Variants in SCYL1 observed in about 807,000 individuals in gnomAD.
SCYL1 encodes N-terminal kinase-like protein.
In SCYL1, 85 loss-of-function variants were observed where a neutral mutation model predicts 94.8. That is an observed-to-expected ratio of 0.90 (90% confidence interval 0.75 to 1.07). The LOEUF (loss-of-function observed/expected upper bound fraction) is 1.07, where lower values mean the gene tolerates loss of function less well. Ranked by LOEUF, SCYL1 falls within the 50% of genes least tolerant of loss-of-function variation. SCYL1 has a pLI of 0.00. For synonymous variants in SCYL1, 459 were observed against 435.5 expected, an observed-to-expected ratio of 1.05 and a Z score of -0.67; for missense variants, 968 against 1,083.3, an observed-to-expected ratio of 0.89 and a Z score of 1.49.
chr11:65,532,581 T>G (rs536298918), intron 8 of SCYL1, 111 bp from the exon 9 acceptor site: 1 of 847,568 alleles, frequency 1.2e-6, no homozygotes, highest in Non-Finnish European at 1.9e-6. Context: ...GAGGTTGACC[T>G]GGCTGGCCAG....
chr11:65,529,771 A>T (rs1855278272), intron 6 of SCYL1, among the ~76,000 whole-genome samples: 1 of 152,152 alleles, frequency 6.6e-6, no homozygotes, highest in African/African-American at 2.4e-5. Flanking sequence ...GGGGGGAGTG[A>T]CAGCATCTTT....
rs1855123264 is a variant in SCYL1 at position 65,527,058 on chromosome 11, C to G, written c.790C>G (p.Pro264Ala). 2 of 1,613,648 alleles carry G rather than the reference C, an allele frequency of 1.2e-6. No homozygotes were observed. Among genetic ancestry groups the G allele is most frequent in the Non-Finnish European group, 1.7e-6 (2 of 1,179,998 alleles). Residue 264 changes from proline to alanine, a missense_variant, in exon 6 of 18, where the codon CCT (proline) becomes GCT (alanine). Physicochemically the swap from Pro to Ala is conservative, Grantham distance 27. Around this residue, in one of 2 missense-constraint regions of SCYL1, gnomAD observed 494 missense variants for 619.7 expected, o/e 0.80. Transcript: ENST00000270176. Reference protein sequence around the residue: ...PARFLQNCRAPGGFMSNRFVE... With the variant: ...PARFLQNCRAAGGFMSNRFVE... ...CCGCTTCCTGCAGAACTGCCGGGCA[C>G]CTGGTGGCTTCATGAGCAACCGCTT...
rs1855014556 is a variant in SCYL1 at position 65,525,228 on chromosome 11, G to T, written c.75G>T (p.Leu25=). ...ELIPEPPEGG[L]PGPWALHRGR... ...TCCCGGAGCCCCCAGAGGGCGGCCT[G>T]CCCGGGCCCTGGGCCCTGCACCGCG... The change falls in exon 1 of 18, where the codon CTG becomes CTT. Residue 25 remains leucine, a synonymous_variant. Transcript: ENST00000270176. 1 of 1,454,802 alleles carries T rather than the reference G, an allele frequency of 6.9e-7. No individual in the cohort carries two copies. Among genetic ancestry groups the T allele is most frequent in the South Asian group, 1.3e-5 (1 of 74,332 alleles). The allele number at this position is 1,454,802 out of a possible 1,614,324, so 90.1% of individuals were successfully genotyped here.
At chr11:65,537,209 T>C in intron 14 of SCYL1, 81 bp downstream of exon 14, 2 of 1,488,128 alleles carry the variant, frequency 1.3e-6, no homozygotes, top group Non-Finnish European at 1.9e-6. Context: ...CTGTGGGGCC[T>C]GGCTGGAGTT....
Position 65,535,982 on chromosome 11 carries a change from C to T in SCYL1, c.1416C>T (p.Phe472=). 1 of 1,609,646 alleles carries T rather than the reference C, an allele frequency of 6.2e-7. No homozygotes were observed. Among genetic ancestry groups the T allele is most frequent in the Non-Finnish European group, 8.5e-7 (1 of 1,177,626 alleles). Reference sequence around the variant, plus strand: ...GACACAGGGTCCTTACCTCTGCCTTCAGCCGAGCCACTAGGGACCCGTTTG... The same window carrying T: ...GACACAGGGTCCTTACCTCTGCCTTTAGCCGAGCCACTAGGGACCCGTTTG... ...STRHRVLTSA[F]SRATRDPFAP... The change falls in exon 11 of 18, where the codon TTC becomes TTT. Residue 472 remains phenylalanine, a synonymous_variant. Transcript: ENST00000270176.
rs773812714 is a variant in SCYL1, at chr11:65,535,339, CCA to C, written c.1346_1347del (p.Thr449SerfsTer13). On this transcript the variant is annotated frameshift_variant, in exon 10 of 18. Transcript: ENST00000270176. LOFTEE classifies it high-confidence loss of function. ...GAACAGGGCCCCATCCGCTGCAACACCACAGTCTGCCTGGGCAAAATCGGCTC... is the reference window on the plus strand; with the variant it reads ...GAACAGGGCCCCATCCGCTGCAACACCAGTCTGCCTGGGCAAAATCGGCTC... 1 of 1,614,272 alleles carries C rather than the reference CCA, an allele frequency of 6.2e-7. No homozygotes were observed. The highest frequency in any genetic ancestry group is 8.5e-7 in the Non-Finnish European group (1 of 1,180,044).
At position 65,526,292 on chromosome 11, in the gene SCYL1, G is replaced by C; in HGVS notation, c.544G>C (p.Glu182Gln). The C allele has an allele frequency of 6.2e-7, 1 of 1,612,224 alleles. No homozygotes were observed. Among genetic ancestry groups the C allele is most frequent in the Non-Finnish European group, 8.5e-7 (1 of 1,179,328 alleles). ...GPPRKGIPEL[E>Q]QYDPPELADS... ...TCCCCGCAAGGGGATCCCCGAGCTTGAGCAGTATGACCCCCCGGAGTTGGC... is the reference window on the plus strand; with the variant it reads ...TCCCCGCAAGGGGATCCCCGAGCTTCAGCAGTATGACCCCCCGGAGTTGGC... The change falls in exon 4 of 18, where the codon GAG (glutamate) becomes CAG (glutamine). Residue 182 changes from glutamate (E) to glutamine (Q), a missense_variant. By Grantham distance (29) the Glu-to-Gln change is conservative. Coordinates refer to ENST00000270176, the MANE Select transcript of SCYL1 (RefSeq NM_020680.4). This position sits in a 1 kb window ranked among gnomAD's most constrained non-coding sequence, Gnocchi z 4.1.
Position 65,525,595 on chromosome 11 carries a change from A to G in SCYL1, c.133A>G (p.Ile45Val), listed in dbSNP as rs909308574. ...RKKATGSPVS[I>V]FVYDVKPGAE... ...CTAGGCCACAGGCAGCCCCGTGTCC[A>G]TCTTCGTCTATGATGTGAAGCCTGG... The change falls in exon 2 of 18, where the codon ATC (isoleucine) becomes GTC (valine). Residue 45 changes from isoleucine (I) to valine (V), a missense_variant. By Grantham distance (29) the Ile-to-Val change is conservative. Transcript: ENST00000270176. 2.5e-6 allele frequency: 4 copies of G among 1,612,446 alleles called. No individual in the cohort carries two copies. The African/African-American group carries it at 4.0e-5, about 16-fold the overall frequency.
Position 65,537,983 on chromosome 11 carries a change from A to G in SCYL1, c.2048A>G (p.His683Arg). ...SRASQVSNSD[H>R]KSSKSPESDW... Reference sequence around the variant, plus strand: ...CTTCTACAGGTCAGCAACTCCGACCACAAATCCTCCAAATCCCCAGAGTCC... The same window carrying G: ...CTTCTACAGGTCAGCAACTCCGACCGCAAATCCTCCAAATCCCCAGAGTCC... Residue 683 changes from histidine (H) to arginine (R), a missense_variant, in exon 16 of 18, where the codon CAC becomes CGC. Physicochemically the swap from His to Arg is conservative, Grantham distance 29. This residue lies in a region of SCYL1 where 474 missense variants were observed against 463.6 expected (regional missense o/e 1.02). Coordinates refer to ENST00000270176, the MANE Select transcript of SCYL1 (RefSeq NM_020680.4). The G allele has an allele frequency of 6.2e-7, 1 of 1,611,928 alleles. No individual in the cohort carries two copies. The highest frequency in any genetic ancestry group is 8.5e-7 in the Non-Finnish European group (1 of 1,178,762).
intron 9 of SCYL1, 96 bp from the exon 10 acceptor site, chr11:65,535,130 TG>T: frequency 6.7e-7 from 1 of 1,498,322 alleles, no homozygotes. Context: ...CAGGCTTTGA[TG>T]GGTGTGCTCT....
rs755062750 is a variant in SCYL1 at position 65,536,986 on chromosome 11, G to C, written c.1817G>C (p.Gly606Ala). 1.2e-5 allele frequency: 20 copies of C among 1,611,540 alleles called. No individual in the cohort carries two copies. Among genetic ancestry groups the C allele is most frequent in the Non-Finnish European group, 1.7e-5 (20 of 1,177,860 alleles). The change falls in exon 14 of 18, where the codon GGA becomes GCA. Residue 606 changes from glycine (G) to alanine (A), a missense_variant and splice_region_variant. Around this residue, in one of 2 missense-constraint regions of SCYL1, gnomAD observed 474 missense variants for 463.6 expected, o/e 1.02. Transcript: ENST00000270176. ...AGCTCAGTGAGCCTCTGCTCCCCAG[G>C]AGTTCCTGCCCCAGCCCCCACCCCT... ...TNIPQRPTPEGVPAPAPTPVP... is the reference protein window; with the variant it reads ...TNIPQRPTPEAVPAPAPTPVP...
Position 65,525,884 on chromosome 11 carries a change from C to T in SCYL1, c.253-37C>T, listed in dbSNP as rs749342105. The stretch of plus-strand genomic sequence containing the variant: ...TCGCTTATCTCTCCTTCCTCTCTGC[C>T]CCTCCGCCCTTGATAACCCTGTGTC... On this transcript the variant is annotated intron_variant, in intron 2 of 17. Coordinates refer to ENST00000270176, the MANE Select transcript of SCYL1 (RefSeq NM_020680.4). 2.9e-5 allele frequency: 46 copies of T among 1,603,448 alleles called. 1 individual carries two copies. The South Asian group carries it at 3.3e-4, about 12-fold the overall frequency.
At chr11:65,537,932 G>T (rs777282440) in intron 15 of SCYL1, 35 bp from the exon 16 acceptor site, 5 of 1,589,440 alleles carry the variant, frequency 3.1e-6, no homozygotes, top group Non-Finnish European at 4.3e-6. Context: ...TCCTCCTTGG[G>T]CCCAGGGCTA....
rs745563202 is a variant in SCYL1 at position 65,532,558 on chromosome 11, G to C, written c.1117-134G>C. The C allele has an allele frequency of 2.1e-5, 15 of 704,194 alleles. No homozygotes were observed. The Admixed American group carries it at 2.3e-4, about 11-fold the overall frequency. The allele number at this position is 704,194 out of a possible 1,614,324, so 43.6% of individuals were successfully genotyped here. On this transcript the variant is annotated intron_variant, in intron 8 of 17. Coordinates refer to ENST00000270176, the MANE Select transcript of SCYL1 (RefSeq NM_020680.4). ...ACCTGGGCCTGAGGCCAAACACCTG[G>C]GTGGTGGCTCAGGAGGTTGACCTGG...
rs112760074 is a variant in SCYL1, at chr11:65,531,684, G to A, written c.1116+1G>A. ...CATGCGCATCCGCCTCCTGCAGCAG[G>A]TGAGGCCTCTGTACCAGACTCTGTG... On this transcript the variant is annotated splice_donor_variant, in intron 8 of 17. Coordinates refer to ENST00000270176, the MANE Select transcript of SCYL1 (RefSeq NM_020680.4). LOFTEE classifies it high-confidence loss of function. 1 of 1,609,404 alleles carries A rather than the reference G, an allele frequency of 6.2e-7. No homozygotes were observed. The highest frequency in any genetic ancestry group is 1.3e-5 in the African/African-American group (1 of 74,924).
intron 9 of SCYL1, among the ~76,000 whole-genome samples, chr11:65,534,237 A>G (rs1353917323): frequency 2.0e-5 from 3 of 151,654 alleles, no homozygotes; most frequent in Admixed American, 1.3e-4. Flanking sequence ...TCTCAAAAAA[A>G]TAAAATAAAA....
At chr11:65,535,412 G>T (rs375047978) in intron 10 of SCYL1, 30 bp downstream of exon 10, 83 of 1,606,670 alleles carry the variant, frequency 5.2e-5, no homozygotes, top group Non-Finnish European at 6.5e-5. Context: ...GCTGGAGCCC[G>T]GTCCCTGTCG....
In SCYL1 at chr11:65,535,423, C is replaced by T. The variant is rs765562547; in HGVS notation, c.1386+41C>T. 8 of 1,603,240 alleles carry T rather than the reference C, an allele frequency of 5.0e-6. No homozygotes were observed. The Admixed American group carries it at 1.0e-4, about 20-fold the overall frequency. On this transcript the variant is annotated intron_variant, in intron 10 of 17. Transcript: ENST00000270176. ...AACTGCTGGAGCCCGGTCCCTGTCGCAGGACCACAGCCTCCTCCAGGGCCA... is the reference window on the plus strand; with the variant it reads ...AACTGCTGGAGCCCGGTCCCTGTCGTAGGACCACAGCCTCCTCCAGGGCCA...
chr11:65,526,675 G>A lies in SCYL1; in HGVS notation c.603-108G>A, dbSNP rs1389553415. 4.7e-6 allele frequency: 5 copies of A among 1,061,412 alleles called. No individual in the cohort carries two copies. Among genetic ancestry groups the A allele is most frequent in the Non-Finnish European group, 6.9e-6 (5 of 725,044 alleles). 65.7% of individuals were successfully genotyped at this position (1,061,412 alleles called of 1,614,324 possible). ...CTCTTGGGACTGATGGCTCAGCTGA[G>A]GGACATAGCCAGGCCCTGGCATGCA... On this transcript the variant is annotated intron_variant, in intron 4 of 17. Transcript: ENST00000270176. The surrounding 1 kb of genome is among the most constrained non-coding windows in gnomAD (Gnocchi z 4.1).
Sources: gnomAD v4.1 joint callset for allele counts (sites outside exome capture counted in the v4.1 genomes callset) on GRCh38, gnomAD v4.1.1 for gene constraint, gnomAD v4.1.1 regional missense constraint, Gnocchi (gnomAD v3.1) non-coding constraint, MANE v1.5 for transcripts, NCBI Gene and HGNC (gene_info 2026-07-23, HGNC 2026-07-21) for gene names.